The following TMEM192 variants were observed in gnomAD, a reference collection of about 807,000 sequenced individuals.
TMEM192 encodes the protein transmembrane protein 192.
A neutral mutation model predicts 26.7 loss-of-function variants in TMEM192; 20 were observed. The ratio of observed to expected loss-of-function variants is 0.75; its 90% CI spans 0.53 to 1.09. The LOEUF (loss-of-function observed/expected upper bound fraction) is 1.09, where lower values mean the gene tolerates loss of function less well. TMEM192 is among the 50% of genes least tolerant of loss of function. The pLI is 0.00. For synonymous variants in TMEM192, 124 were observed against 121.0 expected (o/e 1.02, Z -0.16); for missense variants, 304 against 322.6 (o/e 0.94, Z 0.44).
intron 3 of TMEM192, among the ~76,000 whole-genome samples, chr4:165,098,482 TC>T (rs1483457155): frequency 6.6e-6 from 1 of 151,774 alleles, no homozygotes; most frequent in African/African-American, 2.4e-5. Flanking sequence ...ACTAAATTTC[TC>T]ATTTTTGGTA....
intron 3 of TMEM192, among the ~76,000 whole-genome samples, chr4:165,097,442 C>A (rs1240690170): frequency 7.3e-6 from 1 of 136,966 alleles, no homozygotes; most frequent in Non-Finnish European, 1.5e-5. Flanking sequence ...TGCAGTGAGC[C>A]GAGATAGCGC....
intron 3 of TMEM192, among the ~76,000 whole-genome samples, chr4:165,095,659 C>G (rs144620050): frequency 2.4e-3 from 360 of 152,282 alleles, no homozygotes; most frequent in African/African-American, 8.2e-3. Flanking sequence ...GAGAGACTGA[C>G]TGGACCCACA....
In TMEM192 at chr4:165,078,401, T is replaced by C. The variant is rs1734437157; in HGVS notation, c.*1257A>G. The C allele has an allele frequency of 6.6e-6, 1 of 152,182 alleles. No homozygotes were observed. Among genetic ancestry groups the C allele is most frequent in the Admixed American group, 6.6e-5 (1 of 15,254 alleles). The allele number at this position is 152,182 out of a possible 1,614,324, so 9.4% of individuals were successfully genotyped here. A position where few individuals can be genotyped will look rare whatever the true frequency, so the allele number is the denominator to read the frequency against. ...TAGGAAAAATGGAGAAATAATGCCA[T>C]TTGCTCTGAAAAATACTTCAGTTTT... On this transcript the variant is annotated 3_prime_UTR_variant, in exon 6 of 6. Coordinates refer to ENST00000306480, the MANE Select transcript of TMEM192 (RefSeq NM_001100389.2).
In TMEM192 at chr4:165,071,946, T is replaced by TAAAAGACTCTTATAGGC. The variant is rs1486481820; in HGVS notation, c.*7695_*7711dup. ...GGTAGTGAGAAGCAGAAAGATCACT[T>TAAAAGACTCTTATAGGC]AAAAGACTCTTATAGGCCAGGTGTG... On this transcript the variant is annotated 3_prime_UTR_variant, in exon 6 of 6. Transcript: ENST00000306480. 4 of 152,340 alleles carry TAAAAGACTCTTATAGGC rather than the reference T, an allele frequency of 2.6e-5. No homozygotes were observed. Among genetic ancestry groups the TAAAAGACTCTTATAGGC allele is most frequent in the African/African-American group, 9.7e-5 (4 of 41,376 alleles). 9.4% of individuals were successfully genotyped at this position (152,340 alleles called of 1,614,324 possible).
intron 3 of TMEM192, among the ~76,000 whole-genome samples, chr4:165,092,923 A>G (rs1044044019): frequency 6.6e-6 from 1 of 151,736 alleles, no homozygotes; most frequent in African/African-American, 2.4e-5. Context: ...AAAAATAAAT[A>G]AAAAAAGTTT....
chr4:165,080,461 A>G (rs1471243888), intron 5 of TMEM192, among the ~76,000 whole-genome samples: 1 of 152,178 alleles, frequency 6.6e-6, no homozygotes, highest in African/African-American at 2.4e-5. Flanking sequence ...GATAATGACA[A>G]TAATATGCCA....
At chr4:165,111,136 G>A (rs1457869603) in intron 1 of TMEM192, among the ~76,000 whole-genome samples, 1 of 152,142 alleles carries the variant, frequency 6.6e-6, no homozygotes, top group African/African-American at 2.4e-5. Context: ...CTGTCGCTCT[G>A]TTGCCCCGGC....
chr4:165,089,038 T>C (rs1432918577), intron 3 of TMEM192, among the ~76,000 whole-genome samples: 1 of 36,042 alleles, frequency 2.8e-5, no homozygotes, highest in Non-Finnish European at 4.4e-5. Flanking sequence ...AAGACCCTAC[T>C]GCAAAAAAAA....
rs906297475 is a variant in TMEM192 at position 165,088,541 on chromosome 4, C to G, written c.501G>C (p.Leu167Phe). 2 of 1,613,542 alleles carry G rather than the reference C, an allele frequency of 1.2e-6. No individual in the cohort carries two copies. Among genetic ancestry groups the G allele is most frequent in the Admixed American group, 3.3e-5 (2 of 59,920 alleles). The change falls in exon 4 of 6, where the codon TTG (leucine) becomes TTC (phenylalanine). Residue 167 changes from leucine to phenylalanine, a missense_variant. Transcript: ENST00000306480. ...MQHSFPEPGR[L>F]YLDLILAILA... Reference sequence around the variant, plus strand: ...AGATGGCCAGAATGAGGTCAAGATACAATCTGCCAGGCTCTGGGAAGGAGT... The same window carrying G: ...AGATGGCCAGAATGAGGTCAAGATAGAATCTGCCAGGCTCTGGGAAGGAGT...
chr4:165,100,484 A>G, intron 3 of TMEM192, 144 bp downstream of exon 3: 1 of 971,516 alleles, frequency 1.0e-6, no homozygotes, highest in Non-Finnish European at 1.5e-6. Flanking sequence ...CATTAAGGTG[A>G]TCCAAATTTT....
At position 165,078,291 on chromosome 4, in the gene TMEM192, C is replaced by T. The variant is rs921095887; in HGVS notation, c.*1367G>A. Reference sequence around the variant, plus strand: ...TAACACAGTCATAAATATCCCCTCCCCTCATATTCAGCCTTCAACCAAAAG... The same window carrying T: ...TAACACAGTCATAAATATCCCCTCCTCTCATATTCAGCCTTCAACCAAAAG... On this transcript the variant is annotated 3_prime_UTR_variant, in exon 6 of 6. Transcript: ENST00000306480. 1.3e-5 allele frequency: 2 copies of T among 152,134 alleles called. No individual in the cohort carries two copies. The highest frequency in any genetic ancestry group is 1.3e-4 in the Admixed American group (2 of 15,246). 9.4% of individuals were successfully genotyped at this position (152,134 alleles called of 1,614,324 possible).
At chr4:165,103,510 A>C (rs1362703880) in intron 1 of TMEM192, among the ~76,000 whole-genome samples, 1 of 19,040 alleles carries the variant, frequency 5.3e-5, no homozygotes, top group Non-Finnish European at 1.4e-4. Context: ...ACACCCAGCT[A>C]ATTTTTTTTT....
At chr4:165,079,844 C>A in intron 5 of TMEM192, 48 bp from the exon 6 acceptor site, 1 of 1,553,490 alleles carries the variant, frequency 6.4e-7, no homozygotes, top group Non-Finnish European at 8.7e-7. Flanking sequence ...CACCAATACT[C>A]ATTAGTGTCT....
rs1734268202 is a variant in TMEM192 at position 165,071,250 on chromosome 4, T to C, written c.*8408A>G. On this transcript the variant is annotated 3_prime_UTR_variant, in exon 6 of 6. Transcript: ENST00000306480. ...TACGTGTGGTGGTGTGGTGCACATC[T>C]ATAATCCCAGCTACTCAGGAGGCTG... The C allele has an allele frequency of 6.6e-6, 1 of 151,982 alleles. No individual in the cohort carries two copies. The highest frequency in any genetic ancestry group is 1.5e-5 in the Non-Finnish European group (1 of 68,026). 9.4% of individuals were successfully genotyped at this position (151,982 alleles called of 1,614,324 possible).
At chr4:165,107,805 C>G (rs761724440) in intron 1 of TMEM192, among the ~76,000 whole-genome samples, 1 of 152,194 alleles carries the variant, frequency 6.6e-6, no homozygotes, top group Non-Finnish European at 1.5e-5. Context: ...GCCTTTTTAG[C>G]ATTCCCAGCC....
chr4:165,095,984 ACAGG>A (rs1734889254), intron 3 of TMEM192, among the ~76,000 whole-genome samples: 1 of 149,430 alleles, frequency 6.7e-6, no homozygotes, highest in Admixed American at 6.7e-5. Flanking sequence ...TTTAGTACAG[ACAGG>A]GTTTCACCAT....
At chr4:165,087,337 C>A (rs968741246) in intron 4 of TMEM192, among the ~76,000 whole-genome samples, 12 of 152,078 alleles carry the variant, frequency 7.9e-5, no homozygotes, top group African/African-American at 2.7e-4. Context: ...GAGTACCTAA[C>A]CAAGGCAGTG....
rs2111258093 is a variant in TMEM192, at chr4:165,079,481, C to T, written c.*177G>A. 1 of 571,228 alleles carries T rather than the reference C, an allele frequency of 1.8e-6. No homozygotes were observed. The highest frequency in any genetic ancestry group is 3.8e-5 in the Admixed American group (1 of 25,988). The allele number at this position is 571,228 out of a possible 1,614,324, so 35.4% of individuals were successfully genotyped here. On this transcript the variant is annotated 3_prime_UTR_variant, in exon 6 of 6. Coordinates refer to ENST00000306480, the MANE Select transcript of TMEM192 (RefSeq NM_001100389.2). Reference sequence around the variant, plus strand: ...GCTTCTACAGGTACTTTTCAAGTGACCCACAAGCCCTATATTTTAAACAGC... The same window carrying T: ...GCTTCTACAGGTACTTTTCAAGTGATCCACAAGCCCTATATTTTAAACAGC...
In TMEM192 at chr4:165,079,658, T is replaced by C; in HGVS notation, c.816A>G (p.Ter272TrpextTer16). ...AATTGCTGTCATGACCGTGAGCCTC[T>C]CACGTTCTACTTGGCTGACAGCCCA... ...SDLGCQPSRT[*>W] Residue 272 changes from the stop codon to tryptophan (W), a stop_lost, in exon 6 of 6, where the codon TGA becomes TGG. Coordinates refer to ENST00000306480, the MANE Select transcript of TMEM192 (RefSeq NM_001100389.2). The C allele has an allele frequency of 6.2e-7, 1 of 1,609,202 alleles. No individual in the cohort carries two copies. Among genetic ancestry groups the C allele is most frequent in the Non-Finnish European group, 8.5e-7 (1 of 1,177,482 alleles).
Sources: gnomAD v4.1 joint callset for allele counts (sites outside exome capture counted in the v4.1 genomes callset) on GRCh38, gnomAD v4.1.1 for gene constraint, MANE v1.5 for transcripts, NCBI Gene and HGNC (gene_info 2026-07-23, HGNC 2026-07-21) for gene names.